The following LRRC27 variants were observed in gnomAD, a reference collection of about 807,000 sequenced individuals.
LRRC27 encodes the protein leucine rich repeat containing 27.
A neutral mutation model predicts 55.0 loss-of-function variants in LRRC27; 57 were observed. The observed-to-expected ratio is 1.04, with a 90% confidence interval of 0.84 to 1.29. The LOEUF (loss-of-function observed/expected upper bound fraction) is 1.29, where lower values mean the gene tolerates loss of function less well. LRRC27 is among the 50% of genes most tolerant of loss of function. The probability of loss-of-function intolerance (pLI) is 0.00; values close to 1 mark genes in which losing one functional copy is unlikely to be tolerated. For missense variants in LRRC27, 721 were observed against 651.5 expected, an observed-to-expected ratio of 1.11 and a Z score of -1.16; for synonymous variants, 278 against 251.9, an observed-to-expected ratio of 1.10 and a Z score of -0.98.
intron 2 of LRRC27, among the ~76,000 whole-genome samples, chr10:132,335,430 G>A (rs2067070686): frequency 6.6e-6 from 1 of 151,864 alleles, no homozygotes; most frequent in South Asian, 2.1e-4. Context: ...GGTAGGGGCT[G>A]TAGGGCACAG....
At chr10:132,330,693 T>TAA (rs1554887099), upstream of LRRC27, among the ~76,000 whole-genome samples, 74 of 144,448 alleles carry the variant, frequency 5.1e-4, no homozygotes, top group Admixed American at 2.5e-3. Flanking sequence ...TTTTTTTTTT[T>TAA]AATTTTTGTA....
rs982572077 is a variant in LRRC27, at chr10:132,380,220, C to T, written c.*4978C>T. 9.9e-5 allele frequency among the ~76,000 whole-genome samples: 15 copies of T among 151,732 alleles called. No individual in the cohort carries two copies. The highest frequency in any genetic ancestry group is 1.5e-4 in the Non-Finnish European group (10 of 67,956). Reference sequence around the variant, plus strand: ...CTGAGGCAGGAGAATCACTTGAACCCGGAAGGCAGAGGTTGCAGTGAGCCG... The same window carrying T: ...CTGAGGCAGGAGAATCACTTGAACCTGGAAGGCAGAGGTTGCAGTGAGCCG... On this transcript the variant is annotated 3_prime_UTR_variant, in exon 11 of 11. Transcript: ENST00000368614.
At chr10:132,333,887 C>G (rs1040387175) in intron 2 of LRRC27, among the ~76,000 whole-genome samples, 153 bp downstream of exon 2, 1 of 152,136 alleles carries the variant, frequency 6.6e-6, no homozygotes, top group Non-Finnish European at 1.5e-5. Context: ...TAGTTTCATA[C>G]GCCAATCACA....
intron 3 of LRRC27, among the ~76,000 whole-genome samples, chr10:132,340,143 G>A (rs1402694383): frequency 6.6e-6 from 1 of 152,082 alleles, no homozygotes; most frequent in Admixed American, 6.6e-5. Context: ...ACCTCCTTAG[G>A]CCAACAAGTC....
chr10:132,363,008 G>A (rs1343233815), intron 9 of LRRC27, among the ~76,000 whole-genome samples: 7 of 125,712 alleles, frequency 5.6e-5, no homozygotes, highest in African/African-American at 6.2e-5. Flanking sequence ...GGGGTCTGGG[G>A]TTCACCCTTC....
chr10:132,360,162 C>G (rs1477815718), intron 8 of LRRC27, among the ~76,000 whole-genome samples: 1 of 152,204 alleles, frequency 6.6e-6, no homozygotes, highest in Non-Finnish European at 1.5e-5. Context: ...GTGGCACAAT[C>G]TTGGCTCACT....
At position 132,348,939 on chromosome 10, in the gene LRRC27, A is replaced by T. The variant is rs758591597; in HGVS notation, c.926+583A>T. 7 of 1,559,202 alleles carry T rather than the reference A, an allele frequency of 4.5e-6. No individual in the cohort carries two copies. Among genetic ancestry groups the T allele is most frequent in the Non-Finnish European group, 6.1e-6 (7 of 1,144,732 alleles). ...TGGTACAGTGAGTTTGGGGGCCGAG[A>T]TTTTATTTTCCTTTCACACCCAGGA... On this transcript the variant is annotated intron_variant, in intron 6 of 10. Transcript: ENST00000368614. The surrounding 1 kb of genome is among the most constrained non-coding windows in gnomAD (Gnocchi z 4.2).
At chr10:132,352,918 C>T (rs765021383) in intron 7 of LRRC27, 1 of 1,613,990 alleles carries the variant, frequency 6.2e-7, no homozygotes, top group Non-Finnish European at 8.5e-7. Flanking sequence ...TATTCCAGGC[C>T]CTGACACGGT....
chr10:132,356,276 G>C (rs559290097), intron 8 of LRRC27, among the ~76,000 whole-genome samples: 152 of 152,366 alleles, frequency 1.0e-3, no homozygotes, highest in African/African-American at 3.6e-3. Flanking sequence ...CTGAGGTCGA[G>C]GTGAGCGCTA....
chr10:132,347,446 G>A (rs973059417), intron 5 of LRRC27, among the ~76,000 whole-genome samples: 5 of 151,726 alleles, frequency 3.3e-5, no homozygotes, highest in African/African-American at 1.2e-4. Context: ...GGCGTGCTCA[G>A]TGGGGCTTGT....
At chr10:132,365,608 T>A in intron 10 of LRRC27, 58 bp downstream of exon 10, 2 of 1,575,712 alleles carry the variant, frequency 1.3e-6, no homozygotes, top group South Asian at 2.3e-5. Context: ...TTTGTTTTGT[T>A]TTTGTTTTTT....
At chr10:132,331,751 T>C (rs1564812203), upstream of LRRC27, 2 of 1,611,242 alleles carry the variant, frequency 1.2e-6, no homozygotes, top group Non-Finnish European at 1.7e-6. Context: ...CTCTCTTCCT[T>C]CCCCTCTGTG....
chr10:132,332,146 T>G (rs1590558169), upstream of LRRC27: 2 of 168,502 alleles, frequency 1.2e-5, no homozygotes, highest in Non-Finnish European at 1.3e-5. Flanking sequence ...GCCTGCGGGA[T>G]TCCGTACCGG....
intron 10 of LRRC27, among the ~76,000 whole-genome samples, chr10:132,368,895 T>TA (rs1424029539): frequency 6.6e-6 from 1 of 152,088 alleles, no homozygotes; most frequent in African/African-American, 2.4e-5. Context: ...TTGGAAAAGA[T>TA]ACACCCGATA....
At position 132,348,037 on chromosome 10, in the gene LRRC27, G is replaced by C; in HGVS notation, c.607G>C (p.Glu203Gln). ...TLRDLPSPGLELSGDHASNQG... is the reference protein window; with the variant it reads ...TLRDLPSPGLQLSGDHASNQG... The stretch of plus-strand genomic sequence containing the variant: ...CCGTGACCTCCCGAGCCCAGGACTG[G>C]AGTTGTCTGGAGACCACGCGTCTAA... The change falls in exon 6 of 11, where the codon GAG becomes CAG. Residue 203 changes from glutamate to glutamine, a missense_variant. Glu to Gln is a conservative substitution (Grantham distance 29). Transcript: ENST00000368614. The surrounding 1 kb of genome is among the most constrained non-coding windows in gnomAD (Gnocchi z 4.2). 1 of 1,613,684 alleles carries C rather than the reference G, an allele frequency of 6.2e-7. No individual in the cohort carries two copies. The highest frequency in any genetic ancestry group is 8.5e-7 in the Non-Finnish European group (1 of 1,180,006).
intron 7 of LRRC27, among the ~76,000 whole-genome samples, chr10:132,355,251 A>G (rs1213860081): frequency 6.6e-6 from 1 of 151,974 alleles, no homozygotes; most frequent in African/African-American, 2.4e-5. Flanking sequence ...AATTTTTTGT[A>G]TTTTTAGTAG....
rs1319889333 is a variant in LRRC27 at position 132,364,603 on chromosome 10, G to A, written c.1290-821G>A. Among the ~76,000 whole-genome samples, 22 of 22,140 alleles carry A rather than the reference G, an allele frequency of 9.9e-4. 2 individuals are homozygous for A. Among genetic ancestry groups the A allele is most frequent in the South Asian group, 1.9e-3 (1 of 538 alleles). The allele number at this position is 22,140 out of a possible 152,430, so 14.5% of individuals were successfully genotyped here. ...CTGGGGCCCCACACTCAGGCAGTCC[G>A]CGTCCACGCTTACATCTACCTCCAC... is the stretch of plus-strand genomic sequence containing the variant. On this transcript the variant is annotated intron_variant, in intron 9 of 10. Coordinates refer to ENST00000368614, the MANE Select transcript of LRRC27 (RefSeq NM_030626.3).
In LRRC27 at chr10:132,361,619, A is replaced by C. The variant is rs372788143; in HGVS notation, c.1289+44A>C. On this transcript the variant is annotated intron_variant, in intron 9 of 10. Coordinates refer to ENST00000368614, the MANE Select transcript of LRRC27 (RefSeq NM_030626.3). ...CACTCAGTCCTTCCAGGGCTCAGCC[A>C]GCCACCCACGGGCAGGTGCTGTTGT... 1.1e-4 allele frequency: 156 copies of C among 1,394,738 alleles called. No homozygotes were observed. The African/African-American group carries it at 2.1e-3, about 18-fold the overall frequency. The allele number at this position is 1,394,738 out of a possible 1,614,324, so 86.4% of individuals were successfully genotyped here. A position where few individuals can be genotyped will look rare whatever the true frequency, so the allele number is the denominator to read the frequency against.
chr10:132,340,874 C>A (rs2067379801), intron 3 of LRRC27, among the ~76,000 whole-genome samples: 2 of 131,486 alleles, frequency 1.5e-5, no homozygotes, highest in Non-Finnish European at 3.3e-5. Context: ...GAGTGAGACT[C>A]CATCTCAAAA....
Sources: gnomAD v4.1 joint callset for allele counts (sites outside exome capture counted in the v4.1 genomes callset) on GRCh38, gnomAD v4.1.1 for gene constraint, Gnocchi (gnomAD v3.1) non-coding constraint, MANE v1.5 for transcripts, NCBI Gene and HGNC (gene_info 2026-07-23, HGNC 2026-07-21) for gene names.